Variants in RPTOR observed in about 807,000 individuals in gnomAD.
RPTOR encodes the protein regulatory associated protein of MTOR complex 1.
RPTOR carries 21 observed loss-of-function variants against 169.9 expected under a neutral mutation model. The ratio of observed to expected loss-of-function variants is 0.12; its 90% CI spans 0.09 to 0.18. The LOEUF is 0.18. RPTOR is among the 10% of genes least tolerant of loss of function. The pLI is 1.00. For missense variants in RPTOR, 1,133 were observed against 1,855.9 expected, an observed-to-expected ratio of 0.61 and a Z score of 7.16; for synonymous variants, 732 against 753.2, an observed-to-expected ratio of 0.97 and a Z score of 0.46.
At chr17:80,951,458 G>A (rs933209995) in intron 28 of RPTOR, among the ~76,000 whole-genome samples, 3 of 152,230 alleles carry the variant, frequency 2.0e-5, no homozygotes, top group Admixed American at 2.0e-4. Context: ...GGCTCTCACT[G>A]CGGGGGAAGG....
rs1055370759 is a variant in RPTOR, at chr17:80,965,398, T to C, written c.*1068T>C. The C allele has an allele frequency of 1.3e-5, 3 of 233,226 alleles. No individual in the cohort carries two copies. The highest frequency in any genetic ancestry group is 1.7e-5 in the Non-Finnish European group (2 of 118,078). The allele number at this position is 233,226 out of a possible 1,614,324, so 14.4% of individuals were successfully genotyped here. Reference sequence around the variant, plus strand: ...TCCAGCCTTGAGCCGCCCATGCTGATGCGACCTCGGCTGACAGCTGGGCCT... The same window carrying C: ...TCCAGCCTTGAGCCGCCCATGCTGACGCGACCTCGGCTGACAGCTGGGCCT... On this transcript the variant is annotated 3_prime_UTR_variant, in exon 34 of 34. Coordinates refer to ENST00000306801, the MANE Select transcript of RPTOR (RefSeq NM_020761.3).
chr17:80,662,407 CCT>C (rs1457485980), intron 3 of RPTOR, among the ~76,000 whole-genome samples: 1 of 152,038 alleles, frequency 6.6e-6, no homozygotes, highest in Non-Finnish European at 1.5e-5. Context: ...CAAATCAGCC[CCT>C]CTGAGAACTC....
chr17:80,742,688 GAGAC>G lies in RPTOR; in HGVS notation c.655-11320_655-11317del, dbSNP rs1302292767. Among the ~76,000 whole-genome samples the G allele has an allele frequency of 1.1e-4, 11 of 101,746 alleles. 1 individual carries two copies. Among genetic ancestry groups the G allele is most frequent in the Admixed American group, 3.4e-4 (4 of 11,604 alleles). 66.7% of individuals were successfully genotyped at this position (101,746 alleles called of 152,430 possible). Reference sequence around the variant, plus strand: ...ACATACACATACAGCCATATACACAGAGACACACATAGACACCATAGACACACCC... The same window carrying G: ...ACATACACATACAGCCATATACACAGACACATAGACACCATAGACACACCC... On this transcript the variant is annotated intron_variant, in intron 5 of 33. Transcript: ENST00000306801.
At chr17:80,855,760 G>A (rs549090177) in intron 12 of RPTOR, among the ~76,000 whole-genome samples, 1 of 152,198 alleles carries the variant, frequency 6.6e-6, no homozygotes, top group African/African-American at 2.4e-5. Context: ...CCTGGCGTTT[G>A]GGGGTCTGGG....
intron 2 of RPTOR, among the ~76,000 whole-genome samples, chr17:80,635,578 G>A (rs1320941730): frequency 6.6e-6 from 1 of 152,138 alleles, no homozygotes; most frequent in Non-Finnish European, 1.5e-5. Flanking sequence ...GTGGAAAGTG[G>A]ATCTGGTGGG....
chr17:80,635,897 T>C (rs1409954649), intron 2 of RPTOR, among the ~76,000 whole-genome samples: 1 of 151,942 alleles, frequency 6.6e-6, no homozygotes, highest in African/African-American at 2.4e-5. Flanking sequence ...CAGTGATGGG[T>C]TTGCTCTGCC....
chr17:80,908,784 A>C, intron 20 of RPTOR, 27 bp from the exon 21 acceptor site: 2 of 1,562,810 alleles, frequency 1.3e-6, no homozygotes, highest in Non-Finnish European at 1.8e-6. Flanking sequence ...ACTTTCCACT[A>C]AAACATCTTC....
intron 9 of RPTOR, among the ~76,000 whole-genome samples, chr17:80,834,510 T>C (rs1373523173): frequency 6.6e-6 from 1 of 152,186 alleles, no homozygotes; most frequent in African/African-American, 2.4e-5. Flanking sequence ...CATCTGGGGC[T>C]GCTTTTCTGG....
At chr17:80,698,598 G>T (rs550253513) in intron 3 of RPTOR, among the ~76,000 whole-genome samples, 14 of 152,260 alleles carry the variant, frequency 9.2e-5, no homozygotes, top group African/African-American at 3.4e-4. Context: ...CCTCAGCCTC[G>T]TCACCGTTTA....
In RPTOR at chr17:80,923,398, G is replaced by C. The variant is rs548404011; in HGVS notation, c.2625-92G>C. 27 of 1,415,566 alleles carry C rather than the reference G, an allele frequency of 1.9e-5. No homozygotes were observed. The African/African-American group carries it at 2.4e-4, about 13-fold the overall frequency. The allele number at this position is 1,415,566 out of a possible 1,614,324, so 87.7% of individuals were successfully genotyped here. A position where few individuals can be genotyped will look rare whatever the true frequency, so the allele number is the denominator to read the frequency against. ...CCCCGGGCCCTGGTGGCACCTGGGAGGGTGCAGGTGGCCCAGGAAGTTGTT... is the reference window on the plus strand; with the variant it reads ...CCCCGGGCCCTGGTGGCACCTGGGACGGTGCAGGTGGCCCAGGAAGTTGTT... On this transcript the variant is annotated intron_variant, in intron 22 of 33. Coordinates refer to ENST00000306801, the MANE Select transcript of RPTOR (RefSeq NM_020761.3).
At chr17:80,685,627 A>ATATTTTTTTTTTT (rs1269766086) in intron 3 of RPTOR, among the ~76,000 whole-genome samples, 1 of 30,700 alleles carries the variant, frequency 3.3e-5, no homozygotes, top group Non-Finnish European at 5.4e-5. Flanking sequence ...ATATATATAT[A>ATATTTTTTTTTTT]TTTTTTTTTT....
chr17:80,714,352 C>T (rs187035323), intron 4 of RPTOR, among the ~76,000 whole-genome samples: 11 of 152,232 alleles, frequency 7.2e-5, no homozygotes, highest in Admixed American at 2.0e-4. Flanking sequence ...TCAATCACCC[C>T]GACTTAATTA....
intron 6 of RPTOR, among the ~76,000 whole-genome samples, chr17:80,780,276 A>G (rs1324292175): frequency 6.6e-6 from 1 of 152,154 alleles, no homozygotes; most frequent in East Asian, 1.9e-4. Context: ...AGCTTCCCTA[A>G]GTACAACTGG....
intron 3 of RPTOR, among the ~76,000 whole-genome samples, chr17:80,694,667 C>T (rs2066021314): frequency 6.6e-6 from 1 of 152,170 alleles, no homozygotes; most frequent in Non-Finnish European, 1.5e-5. Flanking sequence ...GTGGTAGCTC[C>T]GCACTTAAGT....
At chr17:80,656,093 C>CA (rs1168549433) in intron 3 of RPTOR, among the ~76,000 whole-genome samples, 34 of 151,976 alleles carry the variant, frequency 2.2e-4, no homozygotes, top group Admixed American at 2.2e-3. Context: ...TTCTTTGAGA[C>CA]AGAGTCTTGC....
intron 21 of RPTOR, among the ~76,000 whole-genome samples, chr17:80,912,589 G>A (rs531851131): frequency 6.6e-6 from 1 of 152,164 alleles, no homozygotes; most frequent in Non-Finnish European, 1.5e-5. Context: ...TCTCGAGCCT[G>A]TGTAGCACAG....
intron 10 of RPTOR, among the ~76,000 whole-genome samples, chr17:80,843,754 G>T (rs1432594566): frequency 6.6e-6 from 1 of 152,220 alleles, no homozygotes; most frequent in Non-Finnish European, 1.5e-5. Context: ...GGTGAGAAAG[G>T]CGGCAGGTAT....
intron 3 of RPTOR, among the ~76,000 whole-genome samples, chr17:80,679,485 C>G (rs556323078): frequency 6.6e-6 from 1 of 152,256 alleles, no homozygotes; most frequent in African/African-American, 2.4e-5. Context: ...TTACTCGGCT[C>G]AGGAATAGTA....
chr17:80,696,409 C>CA (rs1297261702), intron 3 of RPTOR, among the ~76,000 whole-genome samples: 4 of 151,878 alleles, frequency 2.6e-5, no homozygotes, highest in South Asian at 4.1e-4. Flanking sequence ...CATGTTGGGA[C>CA]AAAAAAAATG....
Sources: allele counts gnomAD v4.1 joint callset (sites outside exome capture counted in the v4.1 genomes callset), GRCh38; gene constraint gnomAD v4.1.1; transcripts MANE v1.5; gene names NCBI Gene and HGNC (gene_info 2026-07-23, HGNC 2026-07-21).